The following TBC1D14 variants were observed in gnomAD, a reference collection of about 807,000 sequenced individuals.
TBC1D14 encodes the protein TBC1 domain family member 14.
In TBC1D14, 26 loss-of-function variants were observed where a neutral mutation model predicts 79.0. The ratio of observed to expected loss-of-function variants is 0.33; its 90% CI spans 0.24 to 0.46. The LOEUF is 0.46. Among genes scored for constraint, TBC1D14 ranks in the 20% least tolerant of loss-of-function variants. The probability of loss-of-function intolerance (pLI) is 1.00; values close to 1 mark genes in which losing one functional copy is unlikely to be tolerated. For synonymous variants in TBC1D14, 394 were observed against 349.9 expected (o/e 1.13, Z -1.40); for missense variants, 769 against 887.6 (o/e 0.87, Z 1.70).
At chr4:6,961,570 G>A (rs552626821) in intron 2 of TBC1D14, among the ~76,000 whole-genome samples, 17 of 152,284 alleles carry the variant, frequency 1.1e-4, no homozygotes, top group African/African-American at 3.8e-4. Context: ...CACTTAATGG[G>A]CAGAGGGAGC....
At chr4:7,003,855 T>A (rs538432303) in intron 7 of TBC1D14, among the ~76,000 whole-genome samples, 1 of 151,892 alleles carries the variant, frequency 6.6e-6, no homozygotes, top group South Asian at 2.1e-4. Context: ...AAATAAAAAA[T>A]TCACCAGGTG....
intron 12 of TBC1D14, among the ~76,000 whole-genome samples, chr4:7,016,247 T>C (rs2109277991): frequency 6.6e-6 from 1 of 152,316 alleles, no homozygotes; most frequent in Admixed American, 6.5e-5. Flanking sequence ...ACAGTGAACA[T>C]GGGGCCGTGA....
At chr4:7,019,268 A>G (rs1328499196) in intron 12 of TBC1D14, among the ~76,000 whole-genome samples, 1 of 152,116 alleles carries the variant, frequency 6.6e-6, no homozygotes, top group Non-Finnish European at 1.5e-5. Context: ...GATCCTCCCA[A>G]CTAGGCCACC....
intron 11 of TBC1D14, among the ~76,000 whole-genome samples, chr4:7,011,533 A>G (rs977756459): frequency 1.3e-5 from 2 of 151,686 alleles, no homozygotes; most frequent in Non-Finnish European, 2.9e-5. Context: ...TAAGCCCATC[A>G]GGGTTTTTTT....
chr4:6,982,225 A>G (rs1373084648), intron 3 of TBC1D14, among the ~76,000 whole-genome samples: 2 of 152,248 alleles, frequency 1.3e-5, no homozygotes, highest in African/African-American at 2.4e-5. Context: ...AAACAACCCA[A>G]ATGCCTTTCA....
At chr4:6,919,152 C>CT (rs879322215) in intron 1 of TBC1D14, among the ~76,000 whole-genome samples, 82 of 145,588 alleles carry the variant, frequency 5.6e-4, no homozygotes, top group Middle Eastern at 3.6e-3. Flanking sequence ...GTAATTTCAC[C>CT]TTTTTTTTTT....
intron 1 of TBC1D14, among the ~76,000 whole-genome samples, chr4:6,912,121 T>C (rs1184829912): frequency 6.6e-6 from 1 of 152,292 alleles, no homozygotes; most frequent in Non-Finnish European, 1.5e-5. Context: ...CTGGGCGCAG[T>C]GGCTCATGCC....
intron 2 of TBC1D14, among the ~76,000 whole-genome samples, chr4:6,966,013 C>T (rs1047274016): frequency 4.6e-5 from 7 of 152,324 alleles, no homozygotes; most frequent in African/African-American, 1.7e-4. Context: ...TTGGTCTCTC[C>T]TTACTAGGTG....
In TBC1D14 at chr4:7,025,110, A is replaced by G. The variant is rs1480971208; in HGVS notation, c.1864A>G (p.Ile622Val). 6.2e-7 allele frequency: 1 copy of G among 1,614,074 alleles called. No individual in the cohort carries two copies. The highest frequency in any genetic ancestry group is 2.2e-5 in the East Asian group (1 of 44,896). Residue 622 changes from isoleucine to valine, a missense_variant, in exon 13 of 14, where the codon ATC becomes GTC. Ile to Val is a conservative substitution (Grantham distance 29). This residue lies in a region of TBC1D14 where 367 missense variants were observed against 494.4 expected (regional missense o/e 0.74). Coordinates refer to ENST00000409757, the MANE Select transcript of TBC1D14 (RefSeq NM_020773.3). ...EEFLFRTALG[I>V]LKLFEDILTK... is the part of the protein sequence containing the mutation. ...GTTCCTGTTCCGCACGGCCCTGGGCATCCTGAAGCTGTTCGAGGACATCCT... is the reference window on the plus strand; with the variant it reads ...GTTCCTGTTCCGCACGGCCCTGGGCGTCCTGAAGCTGTTCGAGGACATCCT...
At chr4:6,912,355 G>A (rs1723065847) in intron 1 of TBC1D14, among the ~76,000 whole-genome samples, 1 of 151,846 alleles carries the variant, frequency 6.6e-6, no homozygotes, top group African/African-American at 2.4e-5. Context: ...ACTCCATCCT[G>A]GTGACAGAGC....
chr4:6,966,020 G>C (rs73088528), intron 2 of TBC1D14, among the ~76,000 whole-genome samples: 15,724 of 152,210 alleles, frequency 0.1, 1,392 homozygotes, highest in African/African-American at 0.24. Context: ...CTCCTTACTA[G>C]GTGACTTCCC....
At chr4:6,941,922 G>C (rs1345441694) in intron 2 of TBC1D14, among the ~76,000 whole-genome samples, 1 of 152,172 alleles carries the variant, frequency 6.6e-6, no homozygotes, top group East Asian at 1.9e-4. Context: ...GTTAGGTTCA[G>C]CCTGGGAGGT....
intron 2 of TBC1D14, among the ~76,000 whole-genome samples, chr4:6,945,917 C>T (rs1373404417): frequency 2.0e-5 from 3 of 152,080 alleles, no homozygotes; most frequent in South Asian, 2.1e-4. Flanking sequence ...TATGCATTCT[C>T]CCCTCAGAGA....
At chr4:6,993,034 C>CTTTCT (rs1718666759) in intron 3 of TBC1D14, among the ~76,000 whole-genome samples, 1 of 152,158 alleles carries the variant, frequency 6.6e-6, no homozygotes, top group South Asian at 2.1e-4. Context: ...TTTTAGAGGC[C>CTTTCT]TTTCTGGCTA....
chr4:6,998,875 T>C (rs1719361557), intron 5 of TBC1D14: 1 of 543,038 alleles, frequency 1.8e-6, no homozygotes, highest in Non-Finnish European at 3.3e-6. Context: ...CTTTCCTGTC[T>C]AGATGTTAGA....
chr4:7,023,609 C>T (rs867795719), intron 12 of TBC1D14, among the ~76,000 whole-genome samples: 3 of 152,212 alleles, frequency 2.0e-5, no homozygotes, highest in East Asian at 1.9e-4. Context: ...ACCAAGCCTG[C>T]GACGGTGCTG....
At chr4:7,017,170 C>T (rs1383996498) in intron 12 of TBC1D14, among the ~76,000 whole-genome samples, 3 of 152,084 alleles carry the variant, frequency 2.0e-5, no homozygotes, top group Non-Finnish European at 2.9e-5. Flanking sequence ...CATGGTGGCG[C>T]GTACCTGTAA....
intron 1 of TBC1D14, among the ~76,000 whole-genome samples, chr4:6,915,402 C>G (rs770481980): frequency 7.9e-5 from 12 of 152,180 alleles, no homozygotes; most frequent in Non-Finnish European, 1.3e-4. Context: ...TTATTCCCAT[C>G]TGGAAACGGT....
intron 3 of TBC1D14, chr4:6,987,406 T>C: frequency 7.4e-7 from 1 of 1,359,742 alleles, no homozygotes; most frequent in Non-Finnish European, 9.5e-7. Context: ...CCCGGTCCCG[T>C]GGGCCTGTCC....
Sources: gnomAD v4.1 joint callset for allele counts (sites outside exome capture counted in the v4.1 genomes callset) on GRCh38, gnomAD v4.1.1 for gene constraint, gnomAD v4.1.1 regional missense constraint, MANE v1.5 for transcripts, NCBI Gene and HGNC (gene_info 2026-07-23, HGNC 2026-07-21) for gene names.